Variants in DENND1A observed in about 807,000 individuals in gnomAD.
The protein encoded by DENND1A is DENN domain containing 1A.
In DENND1A, 51 loss-of-function variants were observed where a neutral mutation model predicts 113.7. The observed-to-expected ratio is 0.45, with a 90% confidence interval of 0.36 to 0.57. The LOEUF is 0.57. Among genes scored for constraint, DENND1A ranks in the 20% least tolerant of loss-of-function variants. The pLI is 0.00. For missense variants in DENND1A, 1,258 were observed against 1,395.9 expected (o/e 0.90, Z 1.57); for synonymous variants, 565 against 570.8 (o/e 0.99, Z 0.14).
In DENND1A at chr9:123,667,031, C is replaced by T. The variant is rs2063525448; in HGVS notation, c.502G>A (p.Glu168Lys). The change falls in exon 8 of 24, where the codon GAG becomes AAG. Residue 168 changes from glutamate (E) to lysine (K), a missense_variant. By Grantham distance (56) the Glu-to-Lys change is moderately conservative. Around this residue, in one of 2 missense-constraint regions of DENND1A, gnomAD observed 1,159 missense variants for 1,231.7 expected, o/e 0.94. Coordinates refer to ENST00000394215, the MANE Select transcript of DENND1A (RefSeq NM_001352964.2). The part of the protein sequence containing the change: ...PDTRELPSIP[E>K]NRNLTEYFVA... ...TCTTCTTCCCAAGTACTTACATTCT[C>T]AGGTATGCTGGGAAGTTCTCTGGTA... The T allele has an allele frequency of 6.3e-7, 1 of 1,590,614 alleles. No individual in the cohort carries two copies. Among genetic ancestry groups the T allele is most frequent in the Non-Finnish European group, 8.5e-7 (1 of 1,172,708 alleles).
chr9:123,716,750 TC>T (rs2067001200), intron 5 of DENND1A, among the ~76,000 whole-genome samples: 2 of 152,204 alleles, frequency 1.3e-5, no homozygotes, highest in Non-Finnish European at 2.9e-5. Flanking sequence ...CTCACAAAAC[TC>T]CTTCAGGGAA....
At chr9:123,559,207 G>C (rs1249754553) in intron 12 of DENND1A, among the ~76,000 whole-genome samples, 2 of 152,138 alleles carry the variant, frequency 1.3e-5, no homozygotes, top group African/African-American at 2.4e-5. Context: ...CGAAAATGAG[G>C]GGAATATGGC....
chr9:123,553,007 C>T (rs1238820743), intron 13 of DENND1A, among the ~76,000 whole-genome samples: 6 of 152,144 alleles, frequency 3.9e-5, no homozygotes, highest in Non-Finnish European at 8.8e-5. Flanking sequence ...AATCTCAGCA[C>T]GAGATTTGGG....
intron 5 of DENND1A, among the ~76,000 whole-genome samples, chr9:123,704,713 T>C (rs2066080459): frequency 1.3e-5 from 2 of 152,080 alleles, no homozygotes; most frequent in South Asian, 4.1e-4. Flanking sequence ...AAACTTAGTT[T>C]CTCATTTTTT....
At chr9:123,879,085 G>T in intron 1 of DENND1A, 64 bp from the exon 2 acceptor site, 1 of 1,511,580 alleles carries the variant, frequency 6.6e-7, no homozygotes, top group Non-Finnish European at 9.2e-7. Flanking sequence ...GAACATGTGG[G>T]CTATGGTATT....
At chr9:123,483,767 G>A (rs972057820) in intron 13 of DENND1A, among the ~76,000 whole-genome samples, 2 of 152,150 alleles carry the variant, frequency 1.3e-5, no homozygotes, top group African/African-American at 2.4e-5. Context: ...AGGTCAGTTC[G>A]TTTGTAAGAT....
chr9:123,514,706 C>A (rs544969033), intron 13 of DENND1A, among the ~76,000 whole-genome samples: 1 of 152,170 alleles, frequency 6.6e-6, no homozygotes, highest in Admixed American at 6.5e-5. Flanking sequence ...TGTGAACCCA[C>A]GGCCTTCAGT....
chr9:123,575,144 T>C (rs997621686), intron 12 of DENND1A, among the ~76,000 whole-genome samples: 6 of 152,194 alleles, frequency 3.9e-5, no homozygotes, highest in Non-Finnish European at 8.8e-5. Context: ...TTTCATGGAC[T>C]GCTGGGGGTG....
At chr9:123,753,389 T>C (rs543477558) in intron 5 of DENND1A, among the ~76,000 whole-genome samples, 7 of 152,336 alleles carry the variant, frequency 4.6e-5, no homozygotes, top group African/African-American at 1.2e-4. Context: ...AAACCTTTCA[T>C]TGTGAAATTA....
At chr9:123,845,887 T>G (rs1409871761) in intron 2 of DENND1A, among the ~76,000 whole-genome samples, 1 of 152,014 alleles carries the variant, frequency 6.6e-6, no homozygotes, top group Admixed American at 6.6e-5. Context: ...TTCACTGAAA[T>G]GAAAACTTCT....
intron 13 of DENND1A, among the ~76,000 whole-genome samples, chr9:123,543,000 G>C (rs910929144): frequency 6.6e-6 from 1 of 152,232 alleles, no homozygotes. Flanking sequence ...ACCAAGTAGA[G>C]CAGCCTGCCG....
chr9:123,806,168 G>A (rs974144366), intron 2 of DENND1A, among the ~76,000 whole-genome samples: 29 of 152,106 alleles, frequency 1.9e-4, no homozygotes, highest in Admixed American at 6.5e-4. Flanking sequence ...TGGGCAGGCT[G>A]GTCTTGAACT....
At chr9:123,517,512 G>A (rs924380653) in intron 13 of DENND1A, among the ~76,000 whole-genome samples, 1 of 151,758 alleles carries the variant, frequency 6.6e-6, no homozygotes, top group African/African-American at 2.4e-5. Context: ...CCAGTTATTT[G>A]GGAGGCTGAG....
chr9:123,866,310 G>C (rs892825855), intron 2 of DENND1A, among the ~76,000 whole-genome samples: 1 of 152,152 alleles, frequency 6.6e-6, no homozygotes, highest in African/African-American at 2.4e-5. Flanking sequence ...GGTAGCTGAG[G>C]ATTGATCACT....
At chr9:123,831,382 A>G (rs544031078) in intron 2 of DENND1A, among the ~76,000 whole-genome samples, 2 of 152,316 alleles carry the variant, frequency 1.3e-5, no homozygotes, top group East Asian at 1.9e-4. Context: ...CCTCACATTT[A>G]TATCAATTCA....
At chr9:123,916,832 T>C (rs545973283) in intron 1 of DENND1A, among the ~76,000 whole-genome samples, 2 of 152,176 alleles carry the variant, frequency 1.3e-5, no homozygotes, top group Non-Finnish European at 2.9e-5. Flanking sequence ...TTTTAAGTAA[T>C]TGTTTTAAAA....
At chr9:123,545,396 C>G (rs2056595003) in intron 13 of DENND1A, among the ~76,000 whole-genome samples, 1 of 152,072 alleles carries the variant, frequency 6.6e-6, no homozygotes, top group African/African-American at 2.4e-5. Context: ...ATCATAATGT[C>G]CTATACAGAA....
Position 123,917,655 on chromosome 9 carries a change from C to G in DENND1A, c.17+12234G>C, listed in dbSNP as rs144795205. On this transcript the variant is annotated intron_variant, in intron 1 of 23. Transcript: ENST00000394215. ...ATGACTGACCTGGTAGCAAACCCAC[C>G]CCATCCCCAAAAGTCCTAAATCCCA... 2.0e-3 allele frequency among the ~76,000 whole-genome samples: 307 copies of G among 152,146 alleles called. 1 individual carries two copies. The highest frequency in any genetic ancestry group is 7.3e-3 in the African/African-American group (302 of 41,516).
chr9:123,887,343 C>A (rs1330821375), intron 1 of DENND1A, among the ~76,000 whole-genome samples: 1 of 152,038 alleles, frequency 6.6e-6, no homozygotes, highest in Non-Finnish European at 1.5e-5. Flanking sequence ...GGGGCAACAT[C>A]CATGCTGAGG....
Sources: allele counts gnomAD v4.1 joint callset (sites outside exome capture counted in the v4.1 genomes callset), GRCh38; gene constraint gnomAD v4.1.1; regional missense constraint gnomAD v4.1.1; transcripts MANE v1.5; gene names NCBI Gene and HGNC (gene_info 2026-07-23, HGNC 2026-07-21).